The following ITPK1 variants were observed in gnomAD, a reference collection of about 807,000 sequenced individuals.
ITPK1 encodes inositol 1,3,4-trisphosphate 5/6-kinase.
A neutral mutation model predicts 45.3 loss-of-function variants in ITPK1; 21 were observed. The observed-to-expected ratio is 0.46, with a 90% confidence interval of 0.33 to 0.67. The LOEUF is 0.67. Ranked by LOEUF, ITPK1 falls within the 30% of genes least tolerant of loss-of-function variation. The pLI, the probability that ITPK1 is intolerant of heterozygous loss-of-function variation, is 0.02. For missense variants in ITPK1, 474 were observed against 573.5 expected (o/e 0.83, Z 1.77); for synonymous variants, 258 against 253.6 (o/e 1.02, Z -0.16).
chr14:93,085,096 C>T lies in ITPK1; in HGVS notation c.96-8477G>A, dbSNP rs566755791. The stretch of plus-strand genomic sequence containing the variant: ...TCCAGCCCCGTGTCACCCCTGCCCG[C>T]CTGCCCTGCGGCATCTTGGTTTACT... On this transcript the variant is annotated intron_variant, in intron 2 of 10. Coordinates refer to ENST00000267615, the MANE Select transcript of ITPK1 (RefSeq NM_014216.6). Among the ~76,000 whole-genome samples the T allele has an allele frequency of 2.9e-4, 44 of 152,376 alleles. 1 individual carries two copies. The South Asian group carries it at 8.9e-3, about 31-fold the overall frequency.
chr14:93,060,530 G>T (rs1219423760), intron 3 of ITPK1, among the ~76,000 whole-genome samples: 1 of 152,170 alleles, frequency 6.6e-6, no homozygotes, highest in Non-Finnish European at 1.5e-5. Context: ...TCAGCATGGG[G>T]ACAGTGAAAC....
chr14:93,106,367 C>G (rs1193566297), intron 2 of ITPK1, among the ~76,000 whole-genome samples: 1 of 152,212 alleles, frequency 6.6e-6, no homozygotes, highest in African/African-American at 2.4e-5. Context: ...CTCCTTGAAC[C>G]ACCCTGTCTA....
At chr14:92,994,689 G>A (rs773245099) in intron 4 of ITPK1, among the ~76,000 whole-genome samples, 5 of 152,160 alleles carry the variant, frequency 3.3e-5, no homozygotes, top group Non-Finnish European at 5.9e-5. Context: ...CATAGCGAAG[G>A]AGCCCACCCT....
chr14:92,954,809 G>A (rs1486233351), intron 8 of ITPK1, among the ~76,000 whole-genome samples: 1 of 152,162 alleles, frequency 6.6e-6, no homozygotes, highest in African/African-American at 2.4e-5. Context: ...GGTGACCCAA[G>A]TCATCTTCCA....
chr14:93,051,340 G>A (rs1387278992), intron 3 of ITPK1, among the ~76,000 whole-genome samples: 1 of 152,228 alleles, frequency 6.6e-6, no homozygotes, highest in Non-Finnish European at 1.5e-5. Flanking sequence ...GAGTGGCTGG[G>A]AAAGGTGGCT....
chr14:93,041,635 C>A (rs1392625564), intron 3 of ITPK1, among the ~76,000 whole-genome samples: 1 of 152,208 alleles, frequency 6.6e-6, no homozygotes, highest in Non-Finnish European at 1.5e-5. Flanking sequence ...CAGCCCACAC[C>A]CGGGCACACA....
intron 3 of ITPK1, among the ~76,000 whole-genome samples, chr14:93,039,609 C>T (rs1346694531): frequency 6.6e-6 from 1 of 152,236 alleles, no homozygotes; most frequent in African/African-American, 2.4e-5. Flanking sequence ...GCTCGCAGAT[C>T]TGACTGGTCA....
chr14:93,046,676 G>C (rs927699252), intron 3 of ITPK1, among the ~76,000 whole-genome samples: 1 of 152,172 alleles, frequency 6.6e-6, no homozygotes, highest in Non-Finnish European at 1.5e-5. Context: ...GGCAGAAACA[G>C]GAGACTGGTG....
chr14:93,085,875 G>C (rs1296910100), intron 2 of ITPK1, among the ~76,000 whole-genome samples: 3 of 152,106 alleles, frequency 2.0e-5, no homozygotes, highest in Non-Finnish European at 4.4e-5. Flanking sequence ...CCCCTAATTA[G>C]GGATGGGACC....
At chr14:92,972,514 G>A (rs1595099565) in intron 5 of ITPK1, among the ~76,000 whole-genome samples, 1 of 152,230 alleles carries the variant, frequency 6.6e-6, no homozygotes, top group East Asian at 1.9e-4. Context: ...GGGAGGCAGT[G>A]CATTGCTGTT....
chr14:93,019,115 C>T (rs1240979568), intron 3 of ITPK1, among the ~76,000 whole-genome samples: 4 of 152,246 alleles, frequency 2.6e-5, no homozygotes, highest in Non-Finnish European at 5.9e-5. Context: ...ATTTCCACTA[C>T]AGCCTGTGGC....
intron 5 of ITPK1, among the ~76,000 whole-genome samples, chr14:92,972,007 G>A (rs553643384): frequency 1.4e-4 from 22 of 152,248 alleles, no homozygotes; most frequent in African/African-American, 5.3e-4. Flanking sequence ...TCCTGGAATC[G>A]ATGTTCCTGA....
chr14:93,063,891 C>T lies in ITPK1; in HGVS notation c.120+12704G>A, dbSNP rs78436183. Reference sequence around the variant, plus strand: ...GCTGCTCATAGAAGCCCAGCCCAGACGCCAAACGCACTTTGGAATTTTTAC... The same window carrying T: ...GCTGCTCATAGAAGCCCAGCCCAGATGCCAAACGCACTTTGGAATTTTTAC... On this transcript the variant is annotated intron_variant, in intron 3 of 10. Transcript: ENST00000267615. This position sits in a 1 kb window ranked among gnomAD's most constrained non-coding sequence, Gnocchi z 4.3. Among the ~76,000 whole-genome samples, 20 of 152,142 alleles carry T rather than the reference C, an allele frequency of 1.3e-4. No individual in the cohort carries two copies. Among genetic ancestry groups the T allele is most frequent in the Non-Finnish European group, 2.8e-4 (19 of 68,040 alleles).
At chr14:92,992,628 G>A (rs1886842779) in intron 5 of ITPK1, among the ~76,000 whole-genome samples, 1 of 152,236 alleles carries the variant, frequency 6.6e-6, no homozygotes, top group Non-Finnish European at 1.5e-5. Context: ...TCCTCAGAGA[G>A]GGAACCGAGG....
intron 5 of ITPK1, among the ~76,000 whole-genome samples, chr14:92,979,424 GAGA>G (rs1284495124): frequency 7.2e-5 from 11 of 152,162 alleles, no homozygotes; most frequent in African/African-American, 2.7e-4. Flanking sequence ...TTTGAAATGT[GAGA>G]AGGACATGAG....
chr14:93,085,406 G>A lies in ITPK1; in HGVS notation c.96-8787C>T, dbSNP rs182443656. On this transcript the variant is annotated intron_variant, in intron 2 of 10. Coordinates refer to ENST00000267615, the MANE Select transcript of ITPK1 (RefSeq NM_014216.6). ...GGGAGGCAGGCCGGCCCCAAAGTCC[G>A]GGCGCCCCTCAGTGCAGGCACAGCA... Among the ~76,000 whole-genome samples, 95 of 152,274 alleles carry A rather than the reference G, an allele frequency of 6.2e-4. No homozygotes were observed. The East Asian group carries it at 0.01, about 17-fold the overall frequency.
In ITPK1 at chr14:93,039,139, A is replaced by G. The variant is rs544791199; in HGVS notation, c.121-22338T>C. On this transcript the variant is annotated intron_variant, in intron 3 of 10. Transcript: ENST00000267615. Reference sequence around the variant, plus strand: ...GTGCTGCCAAACTCAAGAGCCCACCACTGACTTCCCCTTTCCTACTAAACG... The same window carrying G: ...GTGCTGCCAAACTCAAGAGCCCACCGCTGACTTCCCCTTTCCTACTAAACG... Among the ~76,000 whole-genome samples the G allele has an allele frequency of 4.1e-4, 63 of 152,218 alleles. No homozygotes were observed. In the South Asian group the frequency reaches 0.012, roughly 30 times the overall value.
intron 7 of ITPK1, among the ~76,000 whole-genome samples, chr14:92,960,614 C>T (rs1487152315): frequency 6.6e-6 from 1 of 152,266 alleles, no homozygotes; most frequent in Non-Finnish European, 1.5e-5. Context: ...TGGCTCCCTC[C>T]TCCCGGGCTG....
intron 4 of ITPK1, among the ~76,000 whole-genome samples, chr14:92,994,264 C>T (rs1054596780): frequency 1.3e-5 from 2 of 152,218 alleles, no homozygotes; most frequent in African/African-American, 2.4e-5. Context: ...CGCCTGACTC[C>T]AGATAAAACC....
Sources: gnomAD v4.1 joint callset for allele counts (sites outside exome capture counted in the v4.1 genomes callset) on GRCh38, gnomAD v4.1.1 for gene constraint, Gnocchi (gnomAD v3.1) non-coding constraint, MANE v1.5 for transcripts, NCBI Gene and HGNC (gene_info 2026-07-23, HGNC 2026-07-21) for gene names.